PPP6R1: variants seen among roughly 807,000 people sequenced by gnomAD.
PPP6R1 encodes the protein serine/threonine-protein phosphatase 6 regulatory subunit 1.
A neutral mutation model predicts 104.6 loss-of-function variants in PPP6R1; 39 were observed. That is an observed-to-expected ratio of 0.37 (90% CI 0.29 to 0.49). The LOEUF is 0.49. PPP6R1 is among the 20% of genes least tolerant of loss of function. The probability of loss-of-function intolerance (pLI) is 0.98; values close to 1 mark genes in which losing one functional copy is unlikely to be tolerated. For synonymous variants in PPP6R1, 549 were observed against 479.0 expected (o/e 1.15, Z -1.91); for missense variants, 1,181 against 1,155.8 (o/e 1.02, Z -0.32).
At chr19:55,258,122 A>G (rs566289718) in intron 1 of PPP6R1, among the ~76,000 whole-genome samples, 185 of 152,306 alleles carry the variant, frequency 1.2e-3, no homozygotes, top group Non-Finnish European at 2.4e-3. Context: ...CCGGCCAGAG[A>G]GGCAAGAGAG....
chr19:55,251,211 A>G (rs1345593403), intron 1 of PPP6R1, among the ~76,000 whole-genome samples: 1 of 152,148 alleles, frequency 6.6e-6, no homozygotes, highest in Non-Finnish European at 1.5e-5. Context: ...GTGACACAGC[A>G]ATGAAGCACT....
intron 1 of PPP6R1, among the ~76,000 whole-genome samples, chr19:55,257,078 T>TA (rs35336959): frequency 0.13 from 12,349 of 94,102 alleles, 721 homozygotes; most frequent in East Asian, 0.25. Context: ...GAACTAGAGT[T>TA]AAAAAAAAAA....
intron 17 of PPP6R1, chr19:55,233,247 AT>A (rs2087365981): frequency 6.6e-6 from 1 of 152,236 alleles, no homozygotes; most frequent in South Asian, 2.1e-4. Flanking sequence ...ATATATCTGT[AT>A]ATAGTTAAAA....
At chr19:55,251,737 C>G (rs1600117202) in intron 1 of PPP6R1, among the ~76,000 whole-genome samples, 1 of 152,184 alleles carries the variant, frequency 6.6e-6, no homozygotes, top group South Asian at 2.1e-4. Flanking sequence ...CACCAAGTGT[C>G]CATGTCACAG....
At chr19:55,234,957 G>A (rs2122549562) in intron 17 of PPP6R1, among the ~76,000 whole-genome samples, 1 of 152,304 alleles carries the variant, frequency 6.6e-6, no homozygotes, top group African/African-American at 2.4e-5. Flanking sequence ...GGGGATGTGG[G>A]TACTGGGAAG....
chr19:55,245,468 G>A lies in PPP6R1; in HGVS notation c.414+24C>T, dbSNP rs554730371. The A allele has an allele frequency of 1.2e-6, 2 of 1,610,298 alleles. No homozygotes were observed. Among genetic ancestry groups the A allele is most frequent in the Non-Finnish European group, 1.7e-6 (2 of 1,178,214 alleles). On this transcript the variant is annotated intron_variant, in intron 3 of 23. Coordinates refer to ENST00000412770, the MANE Select transcript of PPP6R1 (RefSeq NM_014931.4). This position sits in a 1 kb window ranked among gnomAD's most constrained non-coding sequence, Gnocchi z 6.4. ...AGCCACCACCCCTCAACCCACGGTGGCGCCAGGGTGGGGGCCAGGGCACCT... is the reference window on the plus strand; with the variant it reads ...AGCCACCACCCCTCAACCCACGGTGACGCCAGGGTGGGGGCCAGGGCACCT...
Position 55,245,144 on chromosome 19 carries a change from C to G in PPP6R1, c.594G>C (p.Gln198His). 7 of 1,613,498 alleles carry G rather than the reference C, an allele frequency of 4.3e-6. No individual in the cohort carries two copies. Among genetic ancestry groups the G allele is most frequent in the Non-Finnish European group, 5.9e-6 (7 of 1,179,786 alleles). Residue 198 changes from glutamine (Q) to histidine (H), a missense_variant, in exon 5 of 24, where the codon CAG becomes CAC. Gln to His is a conservative substitution (Grantham distance 24). Coordinates refer to ENST00000412770, the MANE Select transcript of PPP6R1 (RefSeq NM_014931.4). The surrounding 1 kb of genome is among the most constrained non-coding windows in gnomAD (Gnocchi z 6.4). ...CATTCTCATCCTTCGACGGGTGGATCTGCTCAATCAGCCGCTGGACGATCT... is the reference window on the plus strand; with the variant it reads ...CATTCTCATCCTTCGACGGGTGGATGTGCTCAATCAGCCGCTGGACGATCT... The part of the protein sequence containing the change: ...EEKIVQRLIE[Q>H]IHPSKDENQH...
Position 55,245,532 on chromosome 19 carries a change from C to A in PPP6R1, c.374G>T (p.Ser125Ile), listed in dbSNP as rs1334044089. 1.2e-6 allele frequency: 2 copies of A among 1,610,568 alleles called. No homozygotes were observed. Among genetic ancestry groups the A allele is most frequent in the Non-Finnish European group, 1.7e-6 (2 of 1,178,510 alleles). The change falls in exon 3 of 24, where the codon AGC becomes ATC. Residue 125 changes from serine (S) to isoleucine (I), a missense_variant. Physicochemically the swap from Ser to Ile is moderately radical, Grantham distance 142. Around this residue, in one of 2 missense-constraint regions of PPP6R1, gnomAD observed 139 missense variants for 200.1 expected, o/e 0.69. Transcript: ENST00000412770. The surrounding 1 kb of genome is among the most constrained non-coding windows in gnomAD (Gnocchi z 6.4). ...SLNPLLASFF[S>I]KVMGILINRK... ...GTTGATGAGGATGCCCATGACCTTGCTGAAGAAGCTGGCCAGCAGTGGGTT... is the reference window on the plus strand; with the variant it reads ...GTTGATGAGGATGCCCATGACCTTGATGAAGAAGCTGGCCAGCAGTGGGTT...
chr19:55,246,770 CTG>C, intron 2 of PPP6R1, 105 bp downstream of exon 2: 1 of 1,097,600 alleles, frequency 9.1e-7, no homozygotes, highest in Non-Finnish European at 1.3e-6. Flanking sequence ...CATCCCCAAA[CTG>C]GAGTTTACTG....
At chr19:55,228,311 G>A (rs1182170600), downstream of PPP6R1, 5 of 1,613,854 alleles carry the variant, frequency 3.1e-6, no homozygotes, top group East Asian at 2.2e-5. Flanking sequence ...AACCCAGCCA[G>A]GCAGAGGACG....
chr19:55,235,210 GAAAAAA>G (rs79678602), intron 17 of PPP6R1, among the ~76,000 whole-genome samples: 1 of 145,150 alleles, frequency 6.9e-6, no homozygotes, highest in Admixed American at 6.9e-5. Context: ...AGTATTAAGA[GAAAAAA>G]AAAAAACAAT....
chr19:55,253,137 G>C (rs2087566481), intron 1 of PPP6R1, among the ~76,000 whole-genome samples: 1 of 152,228 alleles, frequency 6.6e-6, no homozygotes, highest in Admixed American at 6.5e-5. Context: ...GCAGCACCAA[G>C]CCAGCATCTG....
rs752241137 is a variant in PPP6R1, at chr19:55,239,806, G to C, written c.1563+20C>G. On this transcript the variant is annotated intron_variant, in intron 13 of 23. Coordinates refer to ENST00000412770, the MANE Select transcript of PPP6R1 (RefSeq NM_014931.4). ...GAGAGAAGCAGCAGGAGGAGTGCAG[G>C]AAGAGAAGCTGGGCCTCACCAGGTC... 6.2e-7 allele frequency: 1 copy of C among 1,612,102 alleles called. No individual in the cohort carries two copies. Among genetic ancestry groups the C allele is most frequent in the East Asian group, 2.2e-5 (1 of 44,850 alleles).
chr19:55,253,069 C>T (rs934436494), intron 1 of PPP6R1, among the ~76,000 whole-genome samples: 1 of 152,190 alleles, frequency 6.6e-6, no homozygotes, highest in Non-Finnish European at 1.5e-5. Flanking sequence ...CTTCCCCATC[C>T]CTCACCACCA....
At chr19:55,243,404 C>CAAAAAAAAAAAAAAAAA (rs58375899) in intron 5 of PPP6R1, among the ~76,000 whole-genome samples, 7 of 49,134 alleles carry the variant, frequency 1.4e-4, no homozygotes, top group African/African-American at 5.0e-4. Context: ...GACTCCATCT[C>CAAAAAAAAAAAAAAAAA]AAAAAAAAAA....
At chr19:55,257,903 G>A (rs1325599115) in intron 1 of PPP6R1, among the ~76,000 whole-genome samples, 6 of 152,220 alleles carry the variant, frequency 3.9e-5, no homozygotes, top group Non-Finnish European at 8.8e-5. Context: ...GAGAAGCCCC[G>A]CTCCCAGGTC....
At chr19:55,257,366 T>C (rs1401046395) in intron 1 of PPP6R1, among the ~76,000 whole-genome samples, 1 of 152,220 alleles carries the variant, frequency 6.6e-6, no homozygotes, top group Non-Finnish European at 1.5e-5. Context: ...GCAGCTTCCT[T>C]TCCTGAAACA....
intron 7 of PPP6R1, 59 bp downstream of exon 7, chr19:55,242,107 G>C (rs1173484593): frequency 6.6e-7 from 1 of 1,519,780 alleles, no homozygotes; most frequent in East Asian, 2.3e-5. Context: ...CCGCCTCTGA[G>C]GGGCCGGAGA....
At chr19:55,237,036 A>C in intron 15 of PPP6R1, 66 bp from the exon 16 acceptor site, 1 of 1,481,124 alleles carries the variant, frequency 6.8e-7, no homozygotes, top group Non-Finnish European at 9.4e-7. Context: ...AGGACAGGCC[A>C]CATTTCTTTC....
Sources: gnomAD v4.1 joint callset for allele counts (sites outside exome capture counted in the v4.1 genomes callset) on GRCh38, gnomAD v4.1.1 for gene constraint, gnomAD v4.1.1 regional missense constraint, Gnocchi (gnomAD v3.1) non-coding constraint, MANE v1.5 for transcripts, NCBI Gene and HGNC (gene_info 2026-07-23, HGNC 2026-07-21) for gene names.